RASGRP3: variants seen among roughly 807,000 people sequenced by gnomAD.
RASGRP3 encodes the protein ras guanyl-releasing protein 3.
RASGRP3 carries 54 observed loss-of-function variants against 82.7 expected under a neutral mutation model. The observed-to-expected ratio is 0.65, with a 90% CI of 0.52 to 0.82. The LOEUF (loss-of-function observed/expected upper bound fraction) is 0.82, where lower values mean the gene tolerates loss of function less well. Ranked by LOEUF, RASGRP3 falls within the 40% of genes least tolerant of loss-of-function variation. The pLI, the probability that RASGRP3 is intolerant of heterozygous loss-of-function variation, is 0.00. For missense variants in RASGRP3, 861 were observed against 828.9 expected (o/e 1.04, Z -0.48); for synonymous variants, 309 against 300.5 (o/e 1.03, Z -0.29).
intron 1 of RASGRP3, among the ~76,000 whole-genome samples, chr2:33,486,167 T>TA (rs201206273): frequency 8.1e-6 from 1 of 123,968 alleles, no homozygotes; most frequent in Non-Finnish European, 1.6e-5. Flanking sequence ...TTTATTTATT[T>TA]TTTTTTTTTT....
intron 1 of RASGRP3, among the ~76,000 whole-genome samples, chr2:33,505,564 G>T (rs936742075): frequency 2.0e-5 from 3 of 152,170 alleles, no homozygotes; most frequent in Non-Finnish European, 4.4e-5. Flanking sequence ...CTCTTAAAGT[G>T]CTGGGATTAC....
Position 33,516,759 on chromosome 2 carries a change from G to A in RASGRP3, c.173+115G>A, listed in dbSNP as rs945522346. 1.4e-5 allele frequency: 10 copies of A among 710,578 alleles called. No homozygotes were observed. The African/African-American group carries it at 1.4e-4, about 10-fold the overall frequency. 44.0% of individuals were successfully genotyped at this position (710,578 alleles called of 1,614,324 possible). A position where few individuals can be genotyped will look rare whatever the true frequency, so the allele number is the denominator to read the frequency against. On this transcript the variant is annotated intron_variant, in intron 4 of 17. Transcript: ENST00000403687. ...TGAATAAATAGTCTTTGGTTATCCA[G>A]CTGTTTTGTGAATATATATAGATGT...
chr2:33,540,556 TTGTGTG>T (rs377215232), intron 12 of RASGRP3, among the ~76,000 whole-genome samples: 4,164 of 38,352 alleles, frequency 0.11, 339 homozygotes, highest in Non-Finnish European at 0.14. Context: ...TGTGTGTGTT[TTGTGTG>T]TGTGTGTGTG....
Position 33,489,932 on chromosome 2 carries a change from G to A in RASGRP3, c.-261+13225G>A, listed in dbSNP as rs371943355. On this transcript the variant is annotated intron_variant, in intron 1 of 17. Coordinates refer to ENST00000403687, the MANE Select transcript of RASGRP3 (RefSeq NM_001139488.2). ...TTGGGAAGTTCATTTCTCTGTTTCTGGCTTTTTTCATCTTCAAAAACTCAG... is the reference window on the plus strand; with the variant it reads ...TTGGGAAGTTCATTTCTCTGTTTCTAGCTTTTTTCATCTTCAAAAACTCAG... Among the ~76,000 whole-genome samples, 11 of 152,280 alleles carry A rather than the reference G, an allele frequency of 7.2e-5. No homozygotes were observed. In the South Asian group the frequency reaches 2.3e-3, roughly 32 times the overall value.
chr2:33,452,526 G>A lies in RASGRP3; in HGVS notation c.-261+4583G>A, dbSNP rs981692585. Reference sequence around the variant, plus strand: ...CTCCTGGGGTGGGCCTCGATTCTGGGTTCATGGGAGTGAATCTGGACCCTG... The same window carrying A: ...CTCCTGGGGTGGGCCTCGATTCTGGATTCATGGGAGTGAATCTGGACCCTG... On this transcript the variant is annotated intron_variant, in intron 2 of 18. Coordinates refer to the RASGRP3 transcript ENST00000402538. Among the ~76,000 whole-genome samples, 25 of 152,296 alleles carry A rather than the reference G, an allele frequency of 1.6e-4. No homozygotes were observed. The South Asian group carries it at 1.9e-3, about 11-fold the overall frequency.
intron 15 of RASGRP3, among the ~76,000 whole-genome samples, chr2:33,557,875 A>C (rs1676177372): frequency 1.3e-5 from 2 of 151,838 alleles, no homozygotes; most frequent in Non-Finnish European, 2.9e-5. Flanking sequence ...AAGACTCTCA[A>C]CCCCATTTGA....
At position 33,516,626 on chromosome 2, in the gene RASGRP3, C is replaced by T. The variant is rs1281248284; in HGVS notation, c.155C>T (p.Ala52Val). 1.9e-6 allele frequency: 3 copies of T among 1,568,214 alleles called. No homozygotes were observed. In the South Asian group the frequency reaches 3.5e-5, roughly 18 times the overall value. Residue 52 changes from alanine (A) to valine (V), a missense_variant, in exon 4 of 18, where the codon GCA becomes GTA. By Grantham distance (64) the Ala-to-Val change is moderately conservative (BLOSUM62 0). Transcript: ENST00000403687. ...TGGTATTTATCTTCCACTGAATTGG[C>T]AGAAAAACTTCTCTGCATATATCTT... ...HRWYLSSTEL[A>V]EKLLCMYRNA...
At chr2:33,460,003 A>C (rs955993102) in intron 2 of RASGRP3, among the ~76,000 whole-genome samples, 2 of 152,224 alleles carry the variant, frequency 1.3e-5, no homozygotes, top group African/African-American at 4.8e-5. Context: ...TGTCAATTGT[A>C]AATGAATAAC....
chr2:33,500,566 T>C (rs1258889258), intron 1 of RASGRP3, among the ~76,000 whole-genome samples: 2 of 151,988 alleles, frequency 1.3e-5, no homozygotes, highest in African/African-American at 4.8e-5. Context: ...GAGTCCCAAG[T>C]TTCTGGCATG....
chr2:33,484,565 C>T (rs2150945876), intron 1 of RASGRP3, among the ~76,000 whole-genome samples: 1 of 152,040 alleles, frequency 6.6e-6, no homozygotes, highest in East Asian at 1.9e-4. Flanking sequence ...AGGACAGCAC[C>T]CAGTCTGAAT....
At chr2:33,539,030 C>T in intron 11 of RASGRP3, 64 bp from the exon 12 acceptor site, 1 of 1,198,186 alleles carries the variant, frequency 8.3e-7, no homozygotes, top group South Asian at 1.4e-5. Context: ...CAGAACCAGA[C>T]CCTGTCTCAA....
intron 1 of RASGRP3, among the ~76,000 whole-genome samples, chr2:33,500,651 A>T (rs1270581249): frequency 6.6e-6 from 1 of 152,130 alleles, no homozygotes; most frequent in Non-Finnish European, 1.5e-5. Context: ...AAAAATGAGA[A>T]GGAGGTGGGT....
At chr2:33,440,702 T>G (rs1323831446) in intron 1 of RASGRP3, among the ~76,000 whole-genome samples, 7 of 152,220 alleles carry the variant, frequency 4.6e-5, no homozygotes, top group Non-Finnish European at 1.0e-4. Flanking sequence ...TTCCCCTTAG[T>G]GGCTCATTTT....
intron 1 of RASGRP3, among the ~76,000 whole-genome samples, chr2:33,489,873 A>C (rs1201340461): frequency 6.6e-6 from 1 of 152,214 alleles, no homozygotes; most frequent in South Asian, 2.1e-4. Context: ...AGGGATCTTT[A>C]GGTCATAAGT....
rs1440686390 is a variant in RASGRP3 at position 33,542,567 on chromosome 2, TA to T, written c.1279-942del. Among the ~76,000 whole-genome samples the T allele has an allele frequency of 1.9e-4, 28 of 147,626 alleles. 1 individual carries two copies. Among genetic ancestry groups the T allele is most frequent in the African/African-American group, 6.5e-4 (27 of 41,256 alleles). ...TCTATTGTCATGGTATTTGAATTTG[TA>T]AATTCACTAAGCCAATTTCTACTCA... On this transcript the variant is annotated intron_variant, in intron 12 of 17. Coordinates refer to ENST00000403687, the MANE Select transcript of RASGRP3 (RefSeq NM_001139488.2).
intron 14 of RASGRP3, among the ~76,000 whole-genome samples, chr2:33,550,486 C>A (rs889935122): frequency 6.6e-6 from 1 of 152,222 alleles, no homozygotes; most frequent in South Asian, 2.1e-4. Context: ...CCTTCCCCCA[C>A]CTTTGATAAT....
intron 6 of RASGRP3, among the ~76,000 whole-genome samples, chr2:33,521,652 T>C (rs1175881352): frequency 6.6e-6 from 1 of 152,182 alleles, no homozygotes; most frequent in Admixed American, 6.5e-5. Context: ...CCTGATAAAC[T>C]CCCAAATTTA....
chr2:33,465,645 T>G (rs944054166), intron 2 of RASGRP3, among the ~76,000 whole-genome samples: 6 of 152,202 alleles, frequency 3.9e-5, no homozygotes, highest in African/African-American at 9.7e-5. Context: ...GTAGCTACAT[T>G]ATACAACAGA....
In RASGRP3 at chr2:33,440,107, G is replaced by A. The variant is rs538873846; in HGVS notation, c.-385+3516G>A. Among the ~76,000 whole-genome samples the A allele has an allele frequency of 4.6e-5, 7 of 152,316 alleles. No individual in the cohort carries two copies. The East Asian group carries it at 9.6e-4, about 21-fold the overall frequency. ...AGCAGGTCAGGGAGTTAGTGAGAGG[G>A]ATGGGGATTTTGGTTTCAAACACAG... On this transcript the variant is annotated intron_variant, in intron 1 of 18. Coordinates refer to the RASGRP3 transcript ENST00000402538.
Sources: allele counts gnomAD v4.1 joint callset (sites outside exome capture counted in the v4.1 genomes callset), GRCh38; gene constraint gnomAD v4.1.1; transcripts MANE v1.5; gene names NCBI Gene and HGNC (gene_info 2026-07-23, HGNC 2026-07-21).